Variants in TSPO observed in about 807,000 individuals in gnomAD.
TSPO encodes translocator protein, also known as benzodiazepine peripheral binding site.
Under a neutral mutation model 13.9 loss-of-function variants are expected in TSPO, and 14 were observed. The ratio of observed to expected loss-of-function variants is 1.01; its 90% CI spans 0.67 to 1.58. TSPO has a LOEUF of 1.58. Ranked by LOEUF, TSPO falls within the 40% of genes most tolerant of loss-of-function variation. The pLI, the probability that TSPO is intolerant of heterozygous loss-of-function variation, is 0.00. For missense variants in TSPO, 232 were observed against 229.6 expected (o/e 1.01, Z -0.07); for synonymous variants, 114 against 105.9 (o/e 1.08, Z -0.47).
rs1455386103 is a variant in TSPO at position 43,161,191 on chromosome 22, G to T, written c.321+1G>T. 1.2e-6 allele frequency: 2 copies of T among 1,611,242 alleles called. No homozygotes were observed. Among genetic ancestry groups the T allele is most frequent in the Admixed American group, 1.7e-5 (1 of 59,640 alleles). ...CTTTGGTGCCCGACAAATGGGCTGG[G>T]TAAGTGTGGCCACAGCATGTGTCCC... is the stretch of plus-strand genomic sequence containing the variant. On this transcript the variant is annotated splice_donor_variant, in intron 3 of 3. Coordinates refer to ENST00000337554, the MANE Select transcript of TSPO (RefSeq NM_000714.6). LOFTEE classifies it high-confidence loss of function.
intron 3 of TSPO, 22 bp from the exon 4 acceptor site, chr22:43,162,781 C>A: frequency 6.5e-7 from 1 of 1,530,302 alleles, no homozygotes; most frequent in Non-Finnish European, 8.8e-7. Context: ...CCTCCCCATC[C>A]TCCGTCCCCC....
At position 43,159,246 on chromosome 22, in the gene TSPO, C is replaced by T. The variant is rs867336465; in HGVS notation, c.8C>T (p.Pro3Leu). The part of the protein sequence containing the change: MA[P>L]PWVPAMGFTL... Reference sequence around the variant, plus strand: ...ACAGCAGCTGCAGCAGCCATGGCCCCGCCCTGGGTGCCCGCCATGGGCTTC... The same window carrying T: ...ACAGCAGCTGCAGCAGCCATGGCCCTGCCCTGGGTGCCCGCCATGGGCTTC... The change falls in exon 2 of 4, where the codon CCG becomes CTG. Residue 3 changes from proline to leucine, a missense_variant. Physicochemically the swap from Pro to Leu is moderately conservative, Grantham distance 98. Transcript: ENST00000337554. 1.2e-5 allele frequency: 19 copies of T among 1,553,818 alleles called. No individual in the cohort carries two copies. The highest frequency in any genetic ancestry group is 6.8e-5 in the African/African-American group (5 of 73,526).
intron 2 of TSPO, 31 bp downstream of exon 2, chr22:43,159,451 G>A (rs778276873): frequency 7.0e-7 from 1 of 1,428,052 alleles, no homozygotes; most frequent in Non-Finnish European, 9.2e-7. Context: ...CTGGGGATAA[G>A]CCTGGCCCTT....
chr22:43,161,077 G>T lies in TSPO; in HGVS notation c.208G>T (p.Glu70Ter). The change falls in exon 3 of 4, where the codon GAG becomes TAG. Residue 70 changes from glutamate (E) to a stop codon, truncating the protein, a stop_gained. Transcript: ENST00000337554. LOFTEE classifies it high-confidence loss of function. The stretch of plus-strand genomic sequence containing the variant: ...GTACGGCTCCTACCTGGTCTGGAAA[G>T]AGCTGGGAGGCTTCACAGAGAAGGC... ...MGYGSYLVWK[E>*]LGGFTEKAVV... 6.2e-7 allele frequency: 1 copy of T among 1,614,140 alleles called. No individual in the cohort carries two copies. The highest frequency in any genetic ancestry group is 8.5e-7 in the Non-Finnish European group (1 of 1,179,986).
Position 43,162,958 on chromosome 22 carries a change from T to C in TSPO, c.477T>C (p.His159=). The C allele has an allele frequency of 1.3e-6, 2 of 1,594,222 alleles. No individual in the cohort carries two copies. The highest frequency in any genetic ancestry group is 4.6e-5 in the East Asian group (2 of 43,670). ...ACTACTGCGTATGGCGGGACAACCATGGCTGGCGTGGGGGACGGCGGCTGC... is the reference window on the plus strand; with the variant it reads ...ACTACTGCGTATGGCGGGACAACCACGGCTGGCGTGGGGGACGGCGGCTGC... ...TLNYCVWRDN[H]GWRGGRRLPE is the part of the protein sequence containing the mutation. Residue 159 remains histidine, a synonymous_variant, in exon 4 of 4, where the codon CAT becomes CAC. Coordinates refer to ENST00000337554, the MANE Select transcript of TSPO (RefSeq NM_000714.6).
At chr22:43,160,944 C>A in intron 2 of TSPO, 108 bp from the exon 3 acceptor site, 4 of 1,378,354 alleles carry the variant, frequency 2.9e-6, no homozygotes, top group Non-Finnish European at 3.9e-6. Context: ...TGAGATCACA[C>A]AGCAGTCAGT....
intron 1 of TSPO, among the ~76,000 whole-genome samples, chr22:43,152,945 T>C (rs1325181659): frequency 6.6e-6 from 1 of 152,164 alleles, no homozygotes; most frequent in African/African-American, 2.4e-5. Flanking sequence ...CCAGCTGGGG[T>C]GAGGGGCTTG....
Position 43,153,390 on chromosome 22 carries a change from G to A in TSPO, c.-30+1786G>A, listed in dbSNP as rs1466341158. Reference sequence around the variant, plus strand: ...GACGGAGTCTCGCTCTGTCGCCCAGGCCGGACTGCGGACTGCAGTGGCGCA... The same window carrying A: ...GACGGAGTCTCGCTCTGTCGCCCAGACCGGACTGCGGACTGCAGTGGCGCA... On this transcript the variant is annotated intron_variant, in intron 1 of 3. Coordinates refer to ENST00000337554, the MANE Select transcript of TSPO (RefSeq NM_000714.6). 9.4e-5 allele frequency among the ~76,000 whole-genome samples: 5 copies of A among 52,920 alleles called. 2 individuals are homozygous for A. The Admixed American group carries it at 9.6e-4, about 10-fold the overall frequency. 34.7% of individuals were successfully genotyped at this position (52,920 alleles called of 152,430 possible). A position where few individuals can be genotyped will look rare whatever the true frequency, so the allele number is the denominator to read the frequency against.
intron 1 of TSPO, among the ~76,000 whole-genome samples, chr22:43,152,541 G>A (rs1417775368): frequency 6.6e-6 from 1 of 152,278 alleles, no homozygotes; most frequent in South Asian, 2.1e-4. Flanking sequence ...CTGTGGAGTC[G>A]GTGGGGCCCG....
At chr22:43,159,719 C>G (rs935016185) in intron 2 of TSPO, 39 of 343,184 alleles carry the variant, frequency 1.1e-4, no homozygotes, top group Middle Eastern at 7.5e-4. Flanking sequence ...GAGGCATGGA[C>G]GCTAAGATTA....
chr22:43,159,364 G>C lies in TSPO; in HGVS notation c.126G>C (p.Trp42Cys), dbSNP rs1470849153. The change falls in exon 2 of 4, where the codon TGG becomes TGC. Residue 42 changes from tryptophan to cysteine, a missense_variant. Physicochemically the swap from Trp to Cys is radical, Grantham distance 215. Coordinates refer to ENST00000337554, the MANE Select transcript of TSPO (RefSeq NM_000714.6). ...RWYAGLQKPS[W>C]HPPHWVLGPV... ...ACGCCGGCCTGCAGAAGCCCTCGTGGCACCCGCCCCACTGGGTGCTGGGCC... is the reference window on the plus strand; with the variant it reads ...ACGCCGGCCTGCAGAAGCCCTCGTGCCACCCGCCCCACTGGGTGCTGGGCC... The C allele has an allele frequency of 1.3e-6, 2 of 1,544,990 alleles. No homozygotes were observed. The highest frequency in any genetic ancestry group is 4.9e-5 in the East Asian group (2 of 40,766).
At chr22:43,160,832 C>T (rs1247326036) in intron 2 of TSPO, among the ~76,000 whole-genome samples, 1 of 152,194 alleles carries the variant, frequency 6.6e-6, no homozygotes, top group Middle Eastern at 3.2e-3. Flanking sequence ...TACTGAGTGT[C>T]CTAAATGCTG....
chr22:43,162,582 C>T (rs1307578365), intron 3 of TSPO, among the ~76,000 whole-genome samples: 1 of 152,202 alleles, frequency 6.6e-6, no homozygotes, highest in African/African-American at 2.4e-5. Flanking sequence ...TCATGTGCAC[C>T]CCACACAAGG....
chr22:43,161,719 C>T (rs1482878825), intron 3 of TSPO, among the ~76,000 whole-genome samples: 1 of 151,992 alleles, frequency 6.6e-6, no homozygotes, highest in African/African-American at 2.4e-5. Flanking sequence ...CCAGGCTGGT[C>T]TTGAACTCCT....
intron 1 of TSPO, among the ~76,000 whole-genome samples, chr22:43,153,521 T>G (rs1931157825): frequency 2.6e-5 from 2 of 78,024 alleles, no homozygotes; most frequent in African/African-American, 7.9e-5. Flanking sequence ...CCGGCTAATT[T>G]TTTGTATTTT....
intron 1 of TSPO, among the ~76,000 whole-genome samples, chr22:43,152,743 G>A (rs1181406169): frequency 2.0e-5 from 3 of 152,256 alleles, no homozygotes; most frequent in African/African-American, 2.4e-5. Context: ...CGCAGCTGGC[G>A]CGGTGGAGCC....
intron 1 of TSPO, 147 bp downstream of exon 1, chr22:43,151,751 C>T (rs1931077474): frequency 6.6e-6 from 1 of 152,232 alleles, no homozygotes; most frequent in Non-Finnish European, 1.5e-5. Context: ...GCACTTGGGG[C>T]TCGGCTACCG....
chr22:43,160,530 G>A (rs752334560), intron 2 of TSPO, among the ~76,000 whole-genome samples: 2 of 152,164 alleles, frequency 1.3e-5, no homozygotes, highest in African/African-American at 2.4e-5. Context: ...GGAGGGCATC[G>A]GCTGCTGTTA....
intron 1 of TSPO, among the ~76,000 whole-genome samples, chr22:43,154,337 CT>C (rs372982994): frequency 4.0e-5 from 6 of 150,940 alleles, no homozygotes; most frequent in African/African-American, 9.7e-5. Flanking sequence ...GGGTCGCCTT[CT>C]TTTTTTTTGT....
Sources: gnomAD v4.1 joint callset for allele counts (sites outside exome capture counted in the v4.1 genomes callset) on GRCh38, gnomAD v4.1.1 for gene constraint, MANE v1.5 for transcripts, NCBI Gene and HGNC (gene_info 2026-07-23, HGNC 2026-07-21) for gene names.